PRKG2: variants seen among roughly 807,000 people sequenced by gnomAD.
PRKG2 encodes cGMP-dependent protein kinase 2.
PRKG2 carries 33 observed loss-of-function variants against 97.2 expected under a neutral mutation model. The observed-to-expected ratio is 0.34, with a 90% CI of 0.26 to 0.45. The LOEUF (loss-of-function observed/expected upper bound fraction) is 0.45. PRKG2 is among the 20% of genes least tolerant of loss of function. The pLI is 1.00. For synonymous variants in PRKG2, 330 were observed against 321.8 expected (o/e 1.03, Z -0.27); for missense variants, 638 against 900.0 (o/e 0.71, Z 3.73).
intron 14 of PRKG2, among the ~76,000 whole-genome samples, chr4:81,129,246 GAAT>G (rs1427268099): frequency 6.6e-6 from 1 of 152,104 alleles, no homozygotes. Context: ...GTCGATTTTA[GAAT>G]AAGTGTGATG....
Position 81,098,423 on chromosome 4 carries a change from T to C in PRKG2, c.2126+5947A>G, listed in dbSNP as rs1052065751. Among the ~76,000 whole-genome samples, 8 of 152,292 alleles carry C rather than the reference T, an allele frequency of 5.3e-5. 1 individual carries two copies. The highest frequency in any genetic ancestry group is 2.0e-4 in the Admixed American group (3 of 15,278). ...CACTGGAGTAACACCTTTAATTTCC[T>C]TCAAGAAACTTTCCTTTGGATTCAA... On this transcript the variant is annotated intron_variant, in intron 17 of 18. Coordinates refer to ENST00000264399, the MANE Select transcript of PRKG2 (RefSeq NM_006259.3).
At chr4:81,139,516 C>A (rs1747043783) in intron 12 of PRKG2, among the ~76,000 whole-genome samples, 1 of 151,802 alleles carries the variant, frequency 6.6e-6, no homozygotes, top group African/African-American at 2.4e-5. Context: ...GCCTGTAATC[C>A]CAGCACTTTG....
intron 11 of PRKG2, among the ~76,000 whole-genome samples, chr4:81,142,353 G>C (rs1413341155): frequency 2.6e-5 from 4 of 152,140 alleles, no homozygotes; most frequent in African/African-American, 9.7e-5. Context: ...ACATGGTACT[G>C]GAGTTGTTTA....
chr4:81,211,332 AAAAT>A (rs1269009530), intron 1 of PRKG2, among the ~76,000 whole-genome samples: 15 of 152,202 alleles, frequency 9.9e-5, no homozygotes, highest in Admixed American at 9.8e-4. Flanking sequence ...CTATAAACCT[AAAAT>A]TTCTACAATA....
intron 2 of PRKG2, among the ~76,000 whole-genome samples, chr4:81,196,716 T>C (rs1258158791): frequency 2.0e-5 from 3 of 151,340 alleles, no homozygotes; most frequent in Admixed American, 6.6e-5. Flanking sequence ...ATAAAATATA[T>C]ATAAAATATA....
intron 17 of PRKG2, among the ~76,000 whole-genome samples, chr4:81,093,864 A>G (rs1741851727): frequency 6.6e-6 from 1 of 152,154 alleles, no homozygotes; most frequent in South Asian, 2.1e-4. Context: ...GTCTCTCAGG[A>G]TCTTATAATA....
chr4:81,181,722 A>T (rs1309155553), intron 2 of PRKG2, among the ~76,000 whole-genome samples: 1 of 152,008 alleles, frequency 6.6e-6, no homozygotes, highest in African/African-American at 2.4e-5. Context: ...AAAAAAAGAA[A>T]TGAGTAGTAT....
rs1185271789 is a variant in PRKG2, at chr4:81,190,113, T to TA, written c.461+14473dup. On this transcript the variant is annotated intron_variant, in intron 2 of 18. Coordinates refer to ENST00000264399, the MANE Select transcript of PRKG2 (RefSeq NM_006259.3). The stretch of plus-strand genomic sequence containing the variant: ...ATATGAAACCAAAAAAGAGCCGGGA[T>TA]AGCCAAGACAATCCTAAGCAAAAAG... 5.3e-5 allele frequency among the ~76,000 whole-genome samples: 8 copies of TA among 152,274 alleles called. No homozygotes were observed. The East Asian group carries it at 1.4e-3, about 26-fold the overall frequency.
chr4:81,216,993 G>C (rs1218285641), upstream of PRKG2, among the ~76,000 whole-genome samples: 1 of 144,666 alleles, frequency 6.9e-6, no homozygotes, highest in Non-Finnish European at 1.5e-5. Flanking sequence ...CACAGTGTAT[G>C]TGTGTGTATA....
chr4:81,187,518 T>A (rs927179573), intron 2 of PRKG2, among the ~76,000 whole-genome samples: 2 of 152,168 alleles, frequency 1.3e-5, no homozygotes, highest in African/African-American at 4.8e-5. Context: ...TCATACTGAA[T>A]GGGCAAAATC....
intron 14 of PRKG2, among the ~76,000 whole-genome samples, chr4:81,129,620 T>C (rs1040080287): frequency 2.0e-5 from 3 of 152,092 alleles, no homozygotes; most frequent in Non-Finnish European, 2.9e-5. Flanking sequence ...TCTTTGTTGG[T>C]TTAAAGTTTG....
At chr4:81,209,584 C>T (rs1753863688) in intron 1 of PRKG2, among the ~76,000 whole-genome samples, 1 of 151,932 alleles carries the variant, frequency 6.6e-6, no homozygotes, top group Non-Finnish European at 1.5e-5. Flanking sequence ...AACAATGCTG[C>T]CTGTCATTTA....
chr4:81,148,270 T>C (rs1199875628), intron 9 of PRKG2, among the ~76,000 whole-genome samples: 1 of 152,104 alleles, frequency 6.6e-6, no homozygotes, highest in Non-Finnish European at 1.5e-5. Context: ...CTTCATTTTG[T>C]CAAGTAGATA....
intron 14 of PRKG2, among the ~76,000 whole-genome samples, chr4:81,127,387 T>G (rs965084266): frequency 6.6e-6 from 1 of 152,224 alleles, no homozygotes; most frequent in Non-Finnish European, 1.5e-5. Flanking sequence ...AAAGTAATTT[T>G]TTCTAATTCT....
At chr4:81,216,799 G>A (rs1413847417), upstream of PRKG2, among the ~76,000 whole-genome samples, 1 of 151,586 alleles carries the variant, frequency 6.6e-6, no homozygotes, top group African/African-American at 2.4e-5. Context: ...CTTTGTTTCT[G>A]AGTAATTTCA....
chr4:81,130,934 A>G (rs781051350), intron 14 of PRKG2, among the ~76,000 whole-genome samples: 1 of 152,142 alleles, frequency 6.6e-6, no homozygotes, highest in Non-Finnish European at 1.5e-5. Flanking sequence ...TGGGGGTGGG[A>G]TCCACTGAGC....
Position 81,095,942 on chromosome 4 carries a change from C to T in PRKG2, c.2127-3490G>A, listed in dbSNP as rs149909663. Among the ~76,000 whole-genome samples, 95 of 152,154 alleles carry T rather than the reference C, an allele frequency of 6.2e-4. 1 individual carries two copies. Among genetic ancestry groups the T allele is most frequent in the Admixed American group, 8.5e-4 (13 of 15,268 alleles). ...AACTGCAGTGTATTAAGTGTACAAC[C>T]GCATTATGTCTAAAAATGTACATAA... On this transcript the variant is annotated intron_variant, in intron 17 of 18. Coordinates refer to ENST00000264399, the MANE Select transcript of PRKG2 (RefSeq NM_006259.3).
intron 1 of PRKG2, among the ~76,000 whole-genome samples, chr4:81,214,691 G>A (rs1282118666): frequency 1.3e-5 from 2 of 152,116 alleles, no homozygotes; most frequent in Admixed American, 1.3e-4. Context: ...GCCCTCAACA[G>A]AACCTCTAAA....
upstream of PRKG2, among the ~76,000 whole-genome samples, chr4:81,215,886 A>G (rs754237631): frequency 3.3e-5 from 5 of 150,398 alleles, no homozygotes; most frequent in African/African-American, 4.9e-5. Flanking sequence ...TTTTGAGTAC[A>G]TTTTTTTTTC....
Sources: gnomAD v4.1 joint callset for allele counts (sites outside exome capture counted in the v4.1 genomes callset) on GRCh38, gnomAD v4.1.1 for gene constraint, MANE v1.5 for transcripts, NCBI Gene and HGNC (gene_info 2026-07-23, HGNC 2026-07-21) for gene names.